Variants in PTPRF observed in about 807,000 individuals in gnomAD.
PTPRF encodes receptor-type tyrosine-protein phosphatase F.
In PTPRF, 59 loss-of-function variants were observed where a neutral mutation model predicts 201.8. That is an observed-to-expected ratio of 0.29 (90% CI 0.24 to 0.36). PTPRF has a LOEUF of 0.36. Ranked by LOEUF, PTPRF falls within the 10% of genes least tolerant of loss-of-function variation. The pLI is 1.00. For synonymous variants in PTPRF, 1,088 were observed against 1,089.7 expected (o/e 1.00, Z 0.03); for missense variants, 2,132 against 2,690.5 (o/e 0.79, Z 4.59).
chr1:43,573,008 G>A (rs896114282), intron 6 of PTPRF, among the ~76,000 whole-genome samples: 4 of 152,108 alleles, frequency 2.6e-5, no homozygotes, highest in Non-Finnish European at 5.9e-5. Flanking sequence ...TGCAACCTGA[G>A]CCACAGCACA....
intron 30 of PTPRF, 107 bp from the exon 31 acceptor site, chr1:43,620,347 C>A (rs927892835): frequency 2.6e-6 from 4 of 1,523,294 alleles, no homozygotes; most frequent in Non-Finnish European, 3.6e-6. Context: ...TGGCCTCAGG[C>A]GCCCGTTATT....
chr1:43,531,449 A>G (rs1349157581), intron 1 of PTPRF, among the ~76,000 whole-genome samples: 1 of 86,414 alleles, frequency 1.2e-5, no homozygotes, highest in Non-Finnish European at 2.1e-5. Context: ...GCTCCCCCTC[A>G]TCGGTCCCGC....
intron 25 of PTPRF, 93 bp from the exon 26 acceptor site, chr1:43,618,537 G>A: frequency 3.4e-6 from 5 of 1,474,392 alleles, no homozygotes; most frequent in Non-Finnish European, 3.7e-6. Flanking sequence ...TAGCCAGAAA[G>A]GCTACAGCCA....
At chr1:43,531,673 C>T (rs1643546252) in intron 1 of PTPRF, among the ~76,000 whole-genome samples, 1 of 151,966 alleles carries the variant, frequency 6.6e-6, no homozygotes, top group African/African-American at 2.4e-5. Flanking sequence ...TTGAAGCCCC[C>T]CCACCCCCTT....
intron 11 of PTPRF, 65 bp from the exon 12 acceptor site, chr1:43,597,683 T>G (rs1652687724): frequency 3.0e-5 from 35 of 1,158,624 alleles, no homozygotes; most frequent in Non-Finnish European, 4.3e-5. Context: ...CCACTGTGAC[T>G]CAGTCATTGT....
chr1:43,613,592 GC>G, intron 22 of PTPRF, 25 bp from the exon 23 acceptor site: 1 of 1,575,866 alleles, frequency 6.3e-7, no homozygotes. Context: ...CACTAATGCT[GC>G]CTGTGTATGC....
At chr1:43,585,850 C>T (rs572539949) in intron 7 of PTPRF, among the ~76,000 whole-genome samples, 3 of 152,302 alleles carry the variant, frequency 2.0e-5, no homozygotes, top group Admixed American at 2.0e-4. Context: ...TGGTATCCAA[C>T]GACGTGATTA....
At chr1:43,614,766 C>G (rs1171621646) in intron 23 of PTPRF, among the ~76,000 whole-genome samples, 2 of 152,090 alleles carry the variant, frequency 1.3e-5, no homozygotes, top group African/African-American at 4.8e-5. Flanking sequence ...GCAGGAGAAT[C>G]GTTTGAACCC....
chr1:43,582,257 G>A (rs1212812257), intron 7 of PTPRF, among the ~76,000 whole-genome samples: 4 of 152,260 alleles, frequency 2.6e-5, no homozygotes, highest in Non-Finnish European at 5.9e-5. Context: ...CTAGTCAGTA[G>A]CCTCTGCAGC....
intron 26 of PTPRF, 144 bp from the exon 27 acceptor site, chr1:43,618,904 A>G: frequency 7.0e-7 from 1 of 1,431,770 alleles, no homozygotes; most frequent in Admixed American, 1.9e-5. Flanking sequence ...TTATGGGAAC[A>G]GTGCTAGGAG....
At position 43,531,281 on chromosome 1, in the gene PTPRF, C is replaced by A. The variant is rs1031034319; in HGVS notation, c.-126+191C>A. On this transcript the variant is annotated intron_variant, in intron 1 of 33. Coordinates refer to ENST00000359947, the MANE Select transcript of PTPRF (RefSeq NM_002840.5). Reference sequence around the variant, plus strand: ...GCGAAGCCCCCCCTCCACGCCCCAGCCTGGCGGCTCCTCCCCGCTCACCCC... The same window carrying A: ...GCGAAGCCCCCCCTCCACGCCCCAGACTGGCGGCTCCTCCCCGCTCACCCC... Among the ~76,000 whole-genome samples the A allele has an allele frequency of 4.1e-5, 6 of 148,106 alleles. No homozygotes were observed. The East Asian group carries it at 1.2e-3, about 30-fold the overall frequency.
chr1:43,593,550 G>A (rs1651429023), intron 11 of PTPRF, among the ~76,000 whole-genome samples: 1 of 152,236 alleles, frequency 6.6e-6, no homozygotes, highest in African/African-American at 2.4e-5. Flanking sequence ...GTGGGATTGA[G>A]ATGGTGACCA....
intron 5 of PTPRF, among the ~76,000 whole-genome samples, chr1:43,567,449 C>G (rs149537934): frequency 2.0e-5 from 3 of 152,334 alleles, no homozygotes; most frequent in African/African-American, 7.2e-5. Context: ...TCCAGAACTT[C>G]TAGGGCTGCA....
rs549766682 is a variant in PTPRF at position 43,569,663 on chromosome 1, A to G, written c.453A>G (p.Thr151=). The G allele has an allele frequency of 1.9e-6, 3 of 1,614,028 alleles. No individual in the cohort carries two copies. In the South Asian group the frequency reaches 3.3e-5, roughly 18 times the overall value. The stretch of plus-strand genomic sequence containing the variant: ...TGAAGGTGGTGGAGAAGGCACGCAC[A>G]GCCACCATGCTATGTGCCGCAGGCG... The part of the protein sequence containing the change: ...PQLKVVEKAR[T]ATMLCAAGGN... Residue 151 remains threonine (T), a synonymous_variant, in exon 6 of 34, where the codon ACA becomes ACG. Coordinates refer to ENST00000359947, the MANE Select transcript of PTPRF (RefSeq NM_002840.5).
intron 5 of PTPRF, among the ~76,000 whole-genome samples, chr1:43,566,612 G>T (rs1415466645): frequency 6.6e-6 from 1 of 152,218 alleles, no homozygotes; most frequent in Non-Finnish European, 1.5e-5. Context: ...CAGGCCAGGC[G>T]CATGGTGGGC....
In PTPRF at chr1:43,554,616, C is replaced by G. The variant is rs966614939; in HGVS notation, c.379+675C>G. ...GGTTTTCTGGAGGGCAGAGGGGGAG[C>G]TAGAGAGCACAGGAAGAAGGAGAAA... is the stretch of plus-strand genomic sequence containing the variant. On this transcript the variant is annotated intron_variant, in intron 5 of 33. Transcript: ENST00000359947. The surrounding 1 kb of genome is among the most constrained non-coding windows in gnomAD (Gnocchi z 4.1). 1.3e-5 allele frequency among the ~76,000 whole-genome samples: 2 copies of G among 151,960 alleles called. No individual in the cohort carries two copies. Among genetic ancestry groups the G allele is most frequent in the African/African-American group, 4.8e-5 (2 of 41,348 alleles).
At chr1:43,541,827 T>C (rs1479301332) in intron 2 of PTPRF, among the ~76,000 whole-genome samples, 4 of 152,200 alleles carry the variant, frequency 2.6e-5, no homozygotes, top group Non-Finnish European at 5.9e-5. Flanking sequence ...CCGTATGTAA[T>C]TGTGTTCCTG....
At chr1:43,579,146 C>T (rs1437075340) in intron 7 of PTPRF, 8 of 700,768 alleles carry the variant, frequency 1.1e-5, no homozygotes, top group South Asian at 1.1e-4. Context: ...GGGAAGCAGC[C>T]ACTCTTGGGA....
At position 43,601,059 on chromosome 1, in the gene PTPRF, A is replaced by G. The variant is rs3791148; in HGVS notation, c.2314-1012A>G. On this transcript the variant is annotated intron_variant, in intron 13 of 33. Transcript: ENST00000359947. ...AAGGACCTGTCCAGAGTCTCCTCTCATATTCTGTTCCATGCTTCTTGCAAG... is the reference window on the plus strand; with the variant it reads ...AAGGACCTGTCCAGAGTCTCCTCTCGTATTCTGTTCCATGCTTCTTGCAAG... 2.2e-4 allele frequency among the ~76,000 whole-genome samples: 33 copies of G among 152,310 alleles called. No homozygotes were observed. In the East Asian group the frequency reaches 4.6e-3, roughly 21 times the overall value.
Sources: gnomAD v4.1 joint callset for allele counts (sites outside exome capture counted in the v4.1 genomes callset) on GRCh38, gnomAD v4.1.1 for gene constraint, Gnocchi (gnomAD v3.1) non-coding constraint, MANE v1.5 for transcripts, NCBI Gene and HGNC (gene_info 2026-07-23, HGNC 2026-07-21) for gene names.